Variants in SGCD observed in about 807,000 individuals in gnomAD.
SGCD encodes the protein delta-sarcoglycan.
Under a neutral mutation model 36.6 loss-of-function variants are expected in SGCD, and 18 were observed. The observed-to-expected ratio is 0.49, with a 90% CI of 0.34 to 0.73. SGCD has a LOEUF of 0.73. Among genes scored for constraint, SGCD ranks in the 30% least tolerant of loss-of-function variants. The pLI is 0.01. For missense variants in SGCD, 387 were observed against 346.7 expected (o/e 1.12, Z -0.92); for synonymous variants, 133 against 130.6 (o/e 1.02, Z -0.12).
chr5:156,194,893 G>A (rs915534760), intron 3 of SGCD, among the ~76,000 whole-genome samples: 15 of 151,902 alleles, frequency 9.9e-5, no homozygotes, highest in African/African-American at 3.6e-4. Flanking sequence ...AATAAAGCCA[G>A]GTATGTATAT....
At chr5:156,468,087 G>A (rs914900024) in intron 3 of SGCD, among the ~76,000 whole-genome samples, 3 of 152,186 alleles carry the variant, frequency 2.0e-5, no homozygotes, top group African/African-American at 4.8e-5. Context: ...TGTGGCTCAT[G>A]CCTGTAATCC....
intron 6 of SGCD, among the ~76,000 whole-genome samples, chr5:156,633,794 GA>G (rs1762723624): frequency 6.6e-6 from 1 of 152,194 alleles, no homozygotes; most frequent in Non-Finnish European, 1.5e-5. Flanking sequence ...ATGGTGTCAA[GA>G]AAACGTGGGC....
chr5:156,515,276 C>G (rs1346166685), intron 4 of SGCD, among the ~76,000 whole-genome samples: 1 of 152,118 alleles, frequency 6.6e-6, no homozygotes, highest in African/African-American at 2.4e-5. Context: ...TTTATACACT[C>G]TGATTCAGTA....
At chr5:156,509,776 T>C (rs1756854822) in intron 4 of SGCD, among the ~76,000 whole-genome samples, 1 of 152,220 alleles carries the variant, frequency 6.6e-6, no homozygotes, top group South Asian at 2.1e-4. Flanking sequence ...TTAACCACTG[T>C]TATTCCAAGT....
At chr5:156,168,044 A>G (rs944848186) in intron 3 of SGCD, among the ~76,000 whole-genome samples, 1 of 152,214 alleles carries the variant, frequency 6.6e-6, no homozygotes, top group Non-Finnish European at 1.5e-5. Flanking sequence ...AGAGAAATGG[A>G]AAAACATACA....
chr5:155,910,778 A>G (rs1561647078), intron 1 of SGCD, among the ~76,000 whole-genome samples: 2 of 152,174 alleles, frequency 1.3e-5, no homozygotes, highest in African/African-American at 4.8e-5. Flanking sequence ...ACACAAAAAA[A>G]TTCCCAGTTT....
intron 4 of SGCD, among the ~76,000 whole-genome samples, chr5:156,565,336 A>T (rs185379801): frequency 2.0e-5 from 3 of 152,226 alleles, no homozygotes; most frequent in African/African-American, 7.2e-5. Context: ...AAAATTAATT[A>T]TAAGTGAAAG....
At chr5:156,678,793 A>G (rs115483218) in intron 7 of SGCD, among the ~76,000 whole-genome samples, 5 of 152,328 alleles carry the variant, frequency 3.3e-5, no homozygotes, top group African/African-American at 1.2e-4. Context: ...AACTGCAGAA[A>G]CTGAGCAAAG....
chr5:156,224,626 A>G (rs1764802810), intron 3 of SGCD, among the ~76,000 whole-genome samples: 1 of 152,162 alleles, frequency 6.6e-6, no homozygotes, highest in African/African-American at 2.4e-5. Context: ...AACCAAAGAA[A>G]GAACTGTGTG....
chr5:155,732,618 TAGTTGTC>T, the SGCD span, among the ~76,000 whole-genome samples: 1 of 152,152 alleles, frequency 6.6e-6, no homozygotes, highest in Non-Finnish European at 1.5e-5. Flanking sequence ...ACCACACCAG[TAGTTGTC>T]ATGTGTGGCT....
chr5:156,506,871 G>A (rs1756724522), intron 3 of SGCD, among the ~76,000 whole-genome samples: 1 of 152,180 alleles, frequency 6.6e-6, no homozygotes, highest in Non-Finnish European at 1.5e-5. Flanking sequence ...AATAGTTGAT[G>A]AGATGAACTT....
chr5:155,906,676 C>T (rs566807769), intron 1 of SGCD, among the ~76,000 whole-genome samples: 70 of 152,132 alleles, frequency 4.6e-4, no homozygotes, highest in Middle Eastern at 3.4e-3. Context: ...TCTTTGAAGA[C>T]GAGAGAGGTA....
At position 156,254,096 on chromosome 5, in the gene SGCD, T is replaced by C. The variant is rs191793849; in HGVS notation, c.-43-75438T>C. Reference sequence around the variant, plus strand: ...TCTTTTCATTTCTTTCATTTCTAGTTCTTATTTTAATGCCTAGAAATCCGA... The same window carrying C: ...TCTTTTCATTTCTTTCATTTCTAGTCCTTATTTTAATGCCTAGAAATCCGA... On this transcript the variant is annotated intron_variant, in intron 3 of 9. Transcript: ENST00000517913. Among the ~76,000 whole-genome samples, 38 of 152,346 alleles carry C rather than the reference T, an allele frequency of 2.5e-4. No homozygotes were observed. The South Asian group carries it at 4.6e-3, about 18-fold the overall frequency.
intron 7 of SGCD, among the ~76,000 whole-genome samples, chr5:156,666,588 T>TTCC: frequency 9.6e-6 from 1 of 104,328 alleles, no homozygotes. Context: ...CCCTGCGGCC[T>TTCC]TCCGCAGTTT....
intron 7 of SGCD, among the ~76,000 whole-genome samples, chr5:156,738,205 T>C (rs1167136834): frequency 6.6e-6 from 1 of 152,168 alleles, no homozygotes; most frequent in Non-Finnish European, 1.5e-5. Flanking sequence ...TTCTTTGATA[T>C]TCAAATCAAT....
intron 3 of SGCD, among the ~76,000 whole-genome samples, chr5:156,485,280 A>G (rs1296623388): frequency 6.6e-6 from 1 of 152,234 alleles, no homozygotes; most frequent in Non-Finnish European, 1.5e-5. Context: ...TACAGAATGT[A>G]GGAAAAAACT....
chr5:156,274,740 C>T (rs1016524898), intron 3 of SGCD, among the ~76,000 whole-genome samples: 41 of 152,156 alleles, frequency 2.7e-4, no homozygotes, highest in African/African-American at 8.9e-4. Flanking sequence ...AAAGGCTGGA[C>T]TGGCTTCTAT....
At chr5:156,138,344 T>C (rs1762505464) in intron 3 of SGCD, among the ~76,000 whole-genome samples, 1 of 152,214 alleles carries the variant, frequency 6.6e-6, no homozygotes. Context: ...GAGGTTGCGG[T>C]GAGCTGAGAT....
chr5:156,058,001 C>T (rs1760103814), intron 1 of SGCD, among the ~76,000 whole-genome samples: 1 of 145,892 alleles, frequency 6.9e-6, no homozygotes, highest in African/African-American at 2.5e-5. Flanking sequence ...CATCTTCAGG[C>T]AGTAAATGAG....
Sources: gnomAD v4.1 joint callset for allele counts (sites outside exome capture counted in the v4.1 genomes callset) on GRCh38, gnomAD v4.1.1 for gene constraint, MANE v1.5 for transcripts, NCBI Gene and HGNC (gene_info 2026-07-23, HGNC 2026-07-21) for gene names.